Variants in PHYHIPL observed in about 807,000 individuals in gnomAD.
PHYHIPL encodes the protein phytanoyl-CoA hydroxylase-interacting protein-like.
A neutral mutation model predicts 33.4 loss-of-function variants in PHYHIPL; 9 were observed. The observed-to-expected ratio is 0.27, with a 90% CI of 0.16 to 0.47. The LOEUF (loss-of-function observed/expected upper bound fraction) is 0.47. Among genes scored for constraint, PHYHIPL ranks in the 20% least tolerant of loss-of-function variants. The probability of loss-of-function intolerance (pLI) is 0.99; values close to 1 mark genes in which losing one functional copy is unlikely to be tolerated. For missense variants in PHYHIPL, 365 were observed against 460.7 expected, an observed-to-expected ratio of 0.79 and a Z score of 1.90; for synonymous variants, 153 against 154.1, an observed-to-expected ratio of 0.99 and a Z score of 0.05.
At chr10:59,181,884 ATGTGT>A (rs1324035713) in intron 1 of PHYHIPL, among the ~76,000 whole-genome samples, 1 of 152,174 alleles carries the variant, frequency 6.6e-6, no homozygotes, top group Non-Finnish European at 1.5e-5. Flanking sequence ...AGAATGACTG[ATGTGT>A]TGTATGTTTA....
At position 59,247,393 on chromosome 10, in the gene PHYHIPL, A is replaced by T. The variant is rs1840805457; in HGVS notation, c.*1802A>T. On this transcript the variant is annotated 3_prime_UTR_variant, in exon 5 of 5. Transcript: ENST00000373880. ...TTTCTGCTTGGCATGGAGGACACTG[A>T]ATTTTTTCCCAATTATATGGCTACC... 1.9e-6 allele frequency: 1 copy of T among 528,616 alleles called. No individual in the cohort carries two copies. Among genetic ancestry groups the T allele is most frequent in the Non-Finnish European group, 3.3e-6 (1 of 303,642 alleles). 32.7% of individuals were successfully genotyped at this position (528,616 alleles called of 1,614,324 possible). A position where few individuals can be genotyped will look rare whatever the true frequency, so the allele number is the denominator to read the frequency against.
intron 1 of PHYHIPL, among the ~76,000 whole-genome samples, chr10:59,209,965 C>T (rs962651636): frequency 6.6e-6 from 1 of 152,118 alleles, no homozygotes; most frequent in Non-Finnish European, 1.5e-5. Context: ...AGACCTAAAA[C>T]CATGAAAACT....
At chr10:59,242,038 T>C (rs908695981) in intron 4 of PHYHIPL, among the ~76,000 whole-genome samples, 1 of 152,192 alleles carries the variant, frequency 6.6e-6, no homozygotes, top group Admixed American at 6.5e-5. Flanking sequence ...TAGTCCCTCA[T>C]GTACCAGCCA....
intron 1 of PHYHIPL, among the ~76,000 whole-genome samples, chr10:59,205,722 C>T (rs1306785190): frequency 2.0e-5 from 3 of 152,076 alleles, no homozygotes; most frequent in Non-Finnish European, 4.4e-5. Flanking sequence ...GTCCTCATGG[C>T]ACAGTCCCTC....
At chr10:59,190,380 T>C (rs868244772) in intron 1 of PHYHIPL, among the ~76,000 whole-genome samples, 20 of 151,922 alleles carry the variant, frequency 1.3e-4, no homozygotes, top group African/African-American at 4.3e-4. Flanking sequence ...AGTAGAATAA[T>C]GAAAGAATAA....
At chr10:59,190,405 GGTAA>G (rs774522523) in intron 1 of PHYHIPL, among the ~76,000 whole-genome samples, 29 of 151,674 alleles carry the variant, frequency 1.9e-4, no homozygotes, top group Non-Finnish European at 3.4e-4. Context: ...TTCATTTGAG[GGTAA>G]GTGACAGAAT....
At chr10:59,211,288 G>T (rs1413409284) in intron 1 of PHYHIPL, among the ~76,000 whole-genome samples, 2 of 152,100 alleles carry the variant, frequency 1.3e-5, no homozygotes, top group Non-Finnish European at 2.9e-5. Context: ...GAGGCAGGAG[G>T]ATCACTTGAG....
chr10:59,191,118 A>G (rs1260314658), intron 1 of PHYHIPL, among the ~76,000 whole-genome samples: 3 of 151,800 alleles, frequency 2.0e-5, no homozygotes, highest in Non-Finnish European at 1.5e-5. Context: ...AGACATTAAC[A>G]TTTTCTTCTC....
At chr10:59,216,291 G>C (rs981614583) in intron 1 of PHYHIPL, among the ~76,000 whole-genome samples, 2 of 152,026 alleles carry the variant, frequency 1.3e-5, no homozygotes, top group Non-Finnish European at 2.9e-5. Flanking sequence ...CAGCACTTGT[G>C]AGAAACATTA....
At chr10:59,189,856 T>C (rs1730333337) in intron 1 of PHYHIPL, among the ~76,000 whole-genome samples, 1 of 151,846 alleles carries the variant, frequency 6.6e-6, no homozygotes, top group Non-Finnish European at 1.5e-5. Context: ...GATAAGAGAA[T>C]AAACAAAGGC....
At chr10:59,231,661 C>G (rs1403148287) in intron 1 of PHYHIPL, among the ~76,000 whole-genome samples, 1 of 152,002 alleles carries the variant, frequency 6.6e-6, no homozygotes, top group African/African-American at 2.4e-5. Flanking sequence ...CAGTCCGAGA[C>G]AGCTAAAATG....
chr10:59,232,582 G>C (rs1317484009), intron 1 of PHYHIPL, among the ~76,000 whole-genome samples: 1 of 151,864 alleles, frequency 6.6e-6, no homozygotes, highest in Non-Finnish European at 1.5e-5. Flanking sequence ...AATATTAATA[G>C]TATCTTAGAT....
chr10:59,232,381 T>C (rs1840104350), intron 1 of PHYHIPL, among the ~76,000 whole-genome samples: 1 of 152,010 alleles, frequency 6.6e-6, no homozygotes, highest in African/African-American at 2.4e-5. Context: ...GCTTGAGCTT[T>C]ATATTGTTCC....
At position 59,246,668 on chromosome 10, in the gene PHYHIPL, T is replaced by C. The variant is rs1840737127; in HGVS notation, c.*1077T>C. 5.0e-6 allele frequency: 2 copies of C among 397,610 alleles called. 1 individual carries two copies. Among genetic ancestry groups the C allele is most frequent in the East Asian group, 7.2e-5 (2 of 27,870 alleles). 24.6% of individuals were successfully genotyped at this position (397,610 alleles called of 1,614,324 possible). A position where few individuals can be genotyped will look rare whatever the true frequency, so the allele number is the denominator to read the frequency against. On this transcript the variant is annotated 3_prime_UTR_variant, in exon 5 of 5. Transcript: ENST00000373880. Reference sequence around the variant, plus strand: ...TTTCAAGGTATCAGGGCAAACAATTTCCAAACTTTTCATTTTGTACAGAAG... The same window carrying C: ...TTTCAAGGTATCAGGGCAAACAATTCCCAAACTTTTCATTTTGTACAGAAG...
At chr10:59,235,716 T>A (rs1162631047) in intron 2 of PHYHIPL, among the ~76,000 whole-genome samples, 1 of 151,954 alleles carries the variant, frequency 6.6e-6, no homozygotes, top group Non-Finnish European at 1.5e-5. Flanking sequence ...TGTTTGAGAT[T>A]TGACCCTTTT....
Position 59,236,624 on chromosome 10 carries a change from G to C in PHYHIPL, c.445G>C (p.Glu149Gln). The change falls in exon 3 of 5, where the codon GAA (glutamate) becomes CAA (glutamine). Residue 149 changes from glutamate (E) to glutamine (Q), a missense_variant. Glu to Gln is a conservative substitution (Grantham distance 29). Transcript: ENST00000373880. ...KQVDGDYVVS[E>Q]WSEIIEFCTA... ...AGTTGATGGTGATTATGTTGTGTCT[G>C]AATGGAGTGAAATTATAGAATTCTG... 6.2e-7 allele frequency: 1 copy of C among 1,606,562 alleles called. No homozygotes were observed. Among genetic ancestry groups the C allele is most frequent in the Non-Finnish European group, 8.5e-7 (1 of 1,176,148 alleles).
intron 1 of PHYHIPL, among the ~76,000 whole-genome samples, chr10:59,192,045 T>C (rs1767104337): frequency 6.6e-6 from 1 of 152,180 alleles, no homozygotes; most frequent in Non-Finnish European, 1.5e-5. Context: ...TGTAAAACTT[T>C]ACTTGAGCGT....
At chr10:59,234,554 G>A (rs1840168608) in intron 2 of PHYHIPL, 54 bp downstream of exon 2, 3 of 1,285,500 alleles carry the variant, frequency 2.3e-6, no homozygotes, top group African/African-American at 3.1e-5. Context: ...TTCTAAGTAT[G>A]AGGACATTTT....
chr10:59,188,741 G>A (rs1838693713), intron 1 of PHYHIPL, among the ~76,000 whole-genome samples: 2 of 151,786 alleles, frequency 1.3e-5, no homozygotes, highest in Admixed American at 1.3e-4. Flanking sequence ...TGTCTCTTTT[G>A]ATCTTTGTTG....
Sources: allele counts gnomAD v4.1 joint callset (sites outside exome capture counted in the v4.1 genomes callset), GRCh38; gene constraint gnomAD v4.1.1; transcripts MANE v1.5; gene names NCBI Gene and HGNC (gene_info 2026-07-23, HGNC 2026-07-21).